The following LYRM4 variants were observed in gnomAD, a reference collection of about 807,000 sequenced individuals.
LYRM4 encodes LYR motif-containing protein 4.
In LYRM4, 9 loss-of-function variants were observed where a neutral mutation model predicts 11.7. The ratio of observed to expected loss-of-function variants is 0.77; its 90% CI spans 0.46 to 1.34. LYRM4 has a LOEUF of 1.34. Ranked by LOEUF, LYRM4 falls within the 40% of genes most tolerant of loss-of-function variation. LYRM4 has a pLI of 0.00. For synonymous variants in LYRM4, 42 were observed against 40.4 expected, an observed-to-expected ratio of 1.04 and a Z score of -0.15; for missense variants, 133 against 112.5, an observed-to-expected ratio of 1.18 and a Z score of -0.82.
intron 2 of LYRM4, among the ~76,000 whole-genome samples, chr6:5,161,791 G>T (rs1758772644): frequency 6.6e-6 from 1 of 152,174 alleles, no homozygotes; most frequent in Non-Finnish European, 1.5e-5. Context: ...GTGTAGTAGG[G>T]CTGAGGAGAA....
intron 2 of LYRM4, among the ~76,000 whole-genome samples, chr6:5,170,623 C>T (rs967424374): frequency 6.6e-6 from 1 of 152,130 alleles, no homozygotes; most frequent in Non-Finnish European, 1.5e-5. Context: ...GCCTCAGCCT[C>T]GCGACTTTCT....
At chr6:5,071,215 G>C in the LYRM4 span, among the ~76,000 whole-genome samples, 1 of 151,756 alleles carries the variant, frequency 6.6e-6, no homozygotes, top group African/African-American at 2.4e-5. Flanking sequence ...TATAATGTAA[G>C]TATAAGACAA....
the LYRM4 span, among the ~76,000 whole-genome samples, chr6:5,076,494 CT>C: frequency 5.9e-5 from 9 of 152,290 alleles, no homozygotes; most frequent in East Asian, 1.2e-3. Context: ...ATAATAGTGT[CT>C]TCCTGTTAGG....
chr6:5,216,728 CA>C lies in LYRM4; in HGVS notation c.96del (p.Val33SerfsTer4). On this transcript the variant is annotated frameshift_variant, in exon 2 of 3. Transcript: ENST00000330636. LOFTEE classifies it high-confidence loss of function. Reference protein sequence around the residue: ...RFSAYNYRTYAVRRIRDAFRE... With the variant: ...RFSAYNYRTYXVRRIRDAFRE... ...CTGAAGGCATCTCTTATCCTCCTGA[CA>C]GCATATGTTCTAAATGAATTCAGAG... The C allele has an allele frequency of 6.2e-7, 1 of 1,612,970 alleles. No individual in the cohort carries two copies. The highest frequency in any genetic ancestry group is 8.5e-7 in the Non-Finnish European group (1 of 1,179,934).
chr6:5,140,386 A>T (rs902980693), intron 2 of LYRM4, among the ~76,000 whole-genome samples: 2 of 152,228 alleles, frequency 1.3e-5, no homozygotes, highest in African/African-American at 4.8e-5. Flanking sequence ...TTAAAAAAAA[A>T]TAAAGCTTAA....
the LYRM4 span, among the ~76,000 whole-genome samples, chr6:5,057,480 G>T: frequency 1.7e-4 from 26 of 152,250 alleles, no homozygotes; most frequent in African/African-American, 6.3e-4. Flanking sequence ...ACTTTAGAAG[G>T]CCAAGGCAGG....
intron 2 of LYRM4, among the ~76,000 whole-genome samples, chr6:5,159,011 A>G (rs1259949000): frequency 6.6e-6 from 1 of 152,220 alleles, no homozygotes; most frequent in Non-Finnish European, 1.5e-5. Flanking sequence ...CGGCTGGGCC[A>G]CATGGGGGAG....
intron 2 of LYRM4, among the ~76,000 whole-genome samples, chr6:5,172,373 A>T (rs999191219): frequency 6.6e-6 from 1 of 152,160 alleles, no homozygotes; most frequent in African/African-American, 2.4e-5. Context: ...TGCATTTCCA[A>T]ATACTTTCGA....
intron 2 of LYRM4, among the ~76,000 whole-genome samples, chr6:5,175,978 G>A (rs1305259584): frequency 6.6e-6 from 1 of 152,088 alleles, no homozygotes; most frequent in Non-Finnish European, 1.5e-5. Flanking sequence ...AGTCTTCCCA[G>A]CTATGGCTGA....
intron 2 of LYRM4, among the ~76,000 whole-genome samples, chr6:5,114,671 C>T (rs1000194081): frequency 1.3e-5 from 2 of 151,860 alleles, no homozygotes; most frequent in Non-Finnish European, 2.9e-5. Flanking sequence ...CTTCCCTGGG[C>T]CACACTAGAA....
At chr6:5,041,095 G>A in the LYRM4 span, among the ~76,000 whole-genome samples, 91 of 152,234 alleles carry the variant, frequency 6.0e-4, no homozygotes, top group Non-Finnish European at 1.1e-3. Context: ...AACCCAGGAG[G>A]TGGAGGTTGC....
At chr6:5,124,226 G>C (rs1763597484) in intron 2 of LYRM4, among the ~76,000 whole-genome samples, 2 of 152,244 alleles carry the variant, frequency 1.3e-5, no homozygotes, top group Middle Eastern at 6.8e-3. Context: ...GAACCCACTT[G>C]TAGGGCTCCA....
chr6:5,175,823 C>T (rs1376476106), intron 2 of LYRM4, among the ~76,000 whole-genome samples: 2 of 152,122 alleles, frequency 1.3e-5, no homozygotes, highest in East Asian at 3.9e-4. Context: ...AGTAGGAAGT[C>T]GCACTGCTCT....
the LYRM4 span, among the ~76,000 whole-genome samples, chr6:5,094,116 G>A: frequency 6.6e-6 from 1 of 152,208 alleles, no homozygotes; most frequent in Non-Finnish European, 1.5e-5. Flanking sequence ...GTATTTTAAT[G>A]TGATTATGTG....
chr6:5,077,615 A>T, the LYRM4 span, among the ~76,000 whole-genome samples: 1 of 152,258 alleles, frequency 6.6e-6, no homozygotes, highest in South Asian at 2.1e-4. Context: ...AAGTGAAATG[A>T]CTTAAAAGGG....
intron 1 of LYRM4, among the ~76,000 whole-genome samples, chr6:5,258,840 T>C (rs1300681386): frequency 6.6e-6 from 1 of 152,222 alleles, no homozygotes; most frequent in Non-Finnish European, 1.5e-5. Flanking sequence ...CATTTTCAAT[T>C]TTCTGCCTTT....
intron 2 of LYRM4, among the ~76,000 whole-genome samples, chr6:5,149,955 C>T (rs1757994885): frequency 6.6e-6 from 1 of 152,182 alleles, no homozygotes. Context: ...TGTTAAGACA[C>T]TCTAGGATAA....
intron 1 of LYRM4, among the ~76,000 whole-genome samples, chr6:5,236,718 C>G (rs997149406): frequency 2.0e-5 from 3 of 150,128 alleles, no homozygotes; most frequent in Admixed American, 6.7e-5. Context: ...GAGGCCAAGG[C>G]GGGAGGATTG....
intron 1 of LYRM4, among the ~76,000 whole-genome samples, chr6:5,223,282 A>C (rs1310087340): frequency 6.6e-6 from 1 of 152,236 alleles, no homozygotes; most frequent in Non-Finnish European, 1.5e-5. Context: ...TAACAAAAGA[A>C]TATCATCAAT....
Sources: gnomAD v4.1 joint callset for allele counts (sites outside exome capture counted in the v4.1 genomes callset) on GRCh38, gnomAD v4.1.1 for gene constraint, MANE v1.5 for transcripts, NCBI Gene and HGNC (gene_info 2026-07-23, HGNC 2026-07-21) for gene names.